The following ANO4 variants were observed in gnomAD, a reference collection of about 807,000 sequenced individuals.
ANO4 encodes anoctamin-4.
A neutral mutation model predicts 141.9 loss-of-function variants in ANO4; 69 were observed. That is an observed-to-expected ratio of 0.49 (90% CI 0.40 to 0.59). ANO4 has a LOEUF of 0.59. ANO4 is among the 20% of genes least tolerant of loss of function. ANO4 has a pLI of 0.00. For missense variants in ANO4, 894 were observed against 1,162.2 expected (o/e 0.77, Z 3.36); for synonymous variants, 350 against 394.3 (o/e 0.89, Z 1.33).
chr12:100,788,023 C>G (rs1015268558), intron 3 of ANO4, among the ~76,000 whole-genome samples: 1 of 152,128 alleles, frequency 6.6e-6, no homozygotes, highest in African/African-American at 2.4e-5. Flanking sequence ...TTGAAATGAC[C>G]GTTAGAAAAT....
At chr12:100,781,930 CTGTT>C (rs1462255810) in intron 3 of ANO4, among the ~76,000 whole-genome samples, 25 of 152,280 alleles carry the variant, frequency 1.6e-4, no homozygotes, top group Non-Finnish European at 1.5e-5. Context: ...TAACTGGTTT[CTGTT>C]TGTGTGCAGC....
At chr12:101,056,567 A>G (rs1320641907) in intron 14 of ANO4, among the ~76,000 whole-genome samples, 6 of 152,100 alleles carry the variant, frequency 3.9e-5, no homozygotes, top group African/African-American at 1.4e-4. Context: ...TTTCTAATCT[A>G]TATGAGTTTT....
rs1593237682 is a variant in ANO4, at chr12:101,088,248, C to T, written c.1701+1424C>T. Among the ~76,000 whole-genome samples the T allele has an allele frequency of 6.6e-5, 10 of 152,210 alleles. 1 individual carries two copies. The South Asian group carries it at 2.1e-3, about 32-fold the overall frequency. ...ATTTGCTGTTCTCTCTGCCTGGAGC[C>T]TTTTCCTCCCACAGGGTCTGCATCG... On this transcript the variant is annotated intron_variant, in intron 17 of 27. Coordinates refer to ENST00000392977, the MANE Select transcript of ANO4 (RefSeq NM_001286615.2).
At chr12:101,064,928 G>T (rs1284065440) in intron 14 of ANO4, among the ~76,000 whole-genome samples, 1 of 152,054 alleles carries the variant, frequency 6.6e-6, no homozygotes, top group Non-Finnish European at 1.5e-5. Flanking sequence ...CACACTACCT[G>T]CCCATTAGTC....
intron 14 of ANO4, among the ~76,000 whole-genome samples, chr12:101,055,975 A>G (rs1180035768): frequency 1.3e-5 from 2 of 152,096 alleles, no homozygotes; most frequent in African/African-American, 4.8e-5. Flanking sequence ...AATGGGCCAT[A>G]TATGTATGGG....
chr12:100,849,312 GTTTTA>G (rs1593511116), intron 1 of ANO4, among the ~76,000 whole-genome samples: 3 of 152,098 alleles, frequency 2.0e-5, no homozygotes, highest in East Asian at 1.9e-4. Flanking sequence ...ATTTTCAAGT[GTTTTA>G]TTTTATTTTC....
At chr12:100,904,374 G>A (rs1407966859) in intron 2 of ANO4, among the ~76,000 whole-genome samples, 1 of 98,314 alleles carries the variant, frequency 1.0e-5, no homozygotes, top group Admixed American at 9.0e-5. Context: ...ATAGTGTTTA[G>A]GGAAAGGATA....
intron 14 of ANO4, among the ~76,000 whole-genome samples, chr12:101,072,208 T>C (rs1234672281): frequency 6.6e-6 from 1 of 152,190 alleles, no homozygotes; most frequent in East Asian, 1.9e-4. Context: ...CCCTTCTGGA[T>C]CTTCAGCATT....
intron 1 of ANO4, among the ~76,000 whole-genome samples, chr12:100,897,462 C>T (rs955776437): frequency 1.3e-5 from 2 of 152,230 alleles, no homozygotes; most frequent in Admixed American, 1.3e-4. Context: ...CCCAAGATGT[C>T]TGCACCATGT....
At chr12:100,926,473 G>C (rs2041874655) in intron 3 of ANO4, among the ~76,000 whole-genome samples, 1 of 152,036 alleles carries the variant, frequency 6.6e-6, no homozygotes, top group South Asian at 2.1e-4. Flanking sequence ...TGAATGTTTG[G>C]TACAAAGTCT....
chr12:100,776,778 C>CT (rs2033520500), intron 3 of ANO4, among the ~76,000 whole-genome samples: 1 of 152,112 alleles, frequency 6.6e-6, no homozygotes, highest in South Asian at 2.1e-4. Flanking sequence ...AAGTGAATAC[C>CT]TTTTACAAAG....
At chr12:101,110,284 C>A (rs1383808765) in intron 22 of ANO4, 120 bp from the exon 23 acceptor site, 12 of 1,030,874 alleles carry the variant, frequency 1.2e-5, no homozygotes, top group Non-Finnish European at 1.3e-5. Context: ...GAGATATCCC[C>A]TGTGCGTCTG....
At chr12:100,939,902 A>T (rs2042437172) in intron 4 of ANO4, among the ~76,000 whole-genome samples, 1 of 152,128 alleles carries the variant, frequency 6.6e-6, no homozygotes, top group Non-Finnish European at 1.5e-5. Context: ...AAATAGACCT[A>T]TCTATTTGTG....
In ANO4 at chr12:100,878,173, G is replaced by T. The variant is rs74940736; in HGVS notation, c.-140-23473G>T. Among the ~76,000 whole-genome samples the T allele has an allele frequency of 4.8e-3, 729 of 152,272 alleles. 9 individuals are homozygous for T. Among genetic ancestry groups the T allele is most frequent in the African/African-American group, 0.017 (706 of 41,542 alleles). On this transcript the variant is annotated intron_variant, in intron 1 of 27. Coordinates refer to ENST00000392977, the MANE Select transcript of ANO4 (RefSeq NM_001286615.2). ...ACTGAGTTTGATCACCATCTCTCCT[G>T]CCTGCTGGCCATGTGACTTGCAGCA...
chr12:100,859,569 G>A (rs757884394), intron 1 of ANO4, among the ~76,000 whole-genome samples: 5 of 152,092 alleles, frequency 3.3e-5, no homozygotes, highest in Non-Finnish European at 4.4e-5. Flanking sequence ...TAATTCCTCC[G>A]ATACATGGAT....
intron 24 of ANO4, among the ~76,000 whole-genome samples, chr12:101,113,830 T>A (rs1253764799): frequency 4.6e-5 from 7 of 152,186 alleles, no homozygotes; most frequent in Non-Finnish European, 1.0e-4. Flanking sequence ...TTCTCACATT[T>A]AAATGAGTGT....
chr12:100,729,360 CAA>C (rs1156522144), intron 1 of ANO4, among the ~76,000 whole-genome samples: 1,425 of 22,264 alleles, frequency 0.064, 3 homozygotes, highest in African/African-American at 0.096. Flanking sequence ...AACTCTGTCT[CAA>C]AAAAAAAAAA....
intron 7 of ANO4, among the ~76,000 whole-genome samples, chr12:100,975,620 T>C (rs2044142876): frequency 6.6e-6 from 1 of 151,746 alleles, no homozygotes; most frequent in South Asian, 2.1e-4. Context: ...TCTGTATTTT[T>C]AGTAGAGAGA....
At chr12:100,869,617 G>C (rs2038935708) in intron 1 of ANO4, among the ~76,000 whole-genome samples, 1 of 152,200 alleles carries the variant, frequency 6.6e-6, no homozygotes, top group Admixed American at 6.5e-5. Flanking sequence ...GTTAGGCTCT[G>C]AGCTTTGTCC....
Sources: allele counts gnomAD v4.1 joint callset (sites outside exome capture counted in the v4.1 genomes callset), GRCh38; gene constraint gnomAD v4.1.1; transcripts MANE v1.5; gene names NCBI Gene and HGNC (gene_info 2026-07-23, HGNC 2026-07-21).